FAM193A: variants seen among roughly 807,000 people sequenced by gnomAD.
FAM193A encodes family with sequence similarity 193 member A.
Under a neutral mutation model 126.5 loss-of-function variants are expected in FAM193A, and 22 were observed. The observed-to-expected ratio is 0.17, with a 90% CI of 0.12 to 0.25. The LOEUF is 0.25. Among genes scored for constraint, FAM193A ranks in the 10% least tolerant of loss-of-function variants. The probability of loss-of-function intolerance (pLI) is 1.00; values close to 1 mark genes in which losing one functional copy is unlikely to be tolerated. For synonymous variants in FAM193A, 761 were observed against 646.8 expected, an observed-to-expected ratio of 1.18 and a Z score of -2.68; for missense variants, 1,675 against 1,672.8, an observed-to-expected ratio of 1.00 and a Z score of -0.02.
intron 1 of FAM193A, among the ~76,000 whole-genome samples, chr4:2,593,082 C>T (rs991365971): frequency 9.9e-5 from 15 of 152,262 alleles, no homozygotes; most frequent in African/African-American, 3.4e-4. Flanking sequence ...CTCCTATGGC[C>T]CATGACGAAG....
At chr4:2,672,771 C>G (rs1260139242) in intron 13 of FAM193A, among the ~76,000 whole-genome samples, 1 of 152,172 alleles carries the variant, frequency 6.6e-6, no homozygotes. Flanking sequence ...TCCTCTAACA[C>G]TGGCTGGACT....
chr4:2,575,052 C>T (rs1056222222), intron 1 of FAM193A, among the ~76,000 whole-genome samples: 3 of 152,174 alleles, frequency 2.0e-5, no homozygotes, highest in African/African-American at 4.8e-5. Context: ...TGCTCCTCTG[C>T]CCAGGCCTTG....
chr4:2,656,223 T>C (rs896030009), intron 7 of FAM193A, among the ~76,000 whole-genome samples: 6 of 152,222 alleles, frequency 3.9e-5, no homozygotes, highest in African/African-American at 1.4e-4. Context: ...TCAGGAATAG[T>C]TTAAATTTTC....
chr4:2,537,802 C>T (rs1736980015), intron 1 of FAM193A, among the ~76,000 whole-genome samples: 1 of 152,228 alleles, frequency 6.6e-6, no homozygotes, highest in African/African-American at 2.4e-5. Flanking sequence ...CCCTCCTCCC[C>T]CGCTTTGTTA....
chr4:2,571,902 A>T (rs1577022969), intron 1 of FAM193A, among the ~76,000 whole-genome samples: 1 of 150,222 alleles, frequency 6.7e-6, no homozygotes, highest in Admixed American at 6.6e-5. Context: ...GCTGTGGCTC[A>T]CGCCTGTAAT....
At chr4:2,650,472 C>T (rs139284000) in intron 7 of FAM193A, among the ~76,000 whole-genome samples, 142 of 152,290 alleles carry the variant, frequency 9.3e-4, no homozygotes, top group African/African-American at 3.0e-3. Flanking sequence ...CTCAAGGGAA[C>T]GAAGCGCACC....
chr4:2,698,048 C>T (rs1717239214), intron 18 of FAM193A, among the ~76,000 whole-genome samples: 1 of 152,246 alleles, frequency 6.6e-6, no homozygotes. Context: ...CCCAGTCCCA[C>T]CTCGAGGGAC....
Position 2,537,129 on chromosome 4 carries a change from G to T in FAM193A, c.214G>T (p.Gly72Cys). The change falls in exon 1 of 21, where the codon GGC (glycine) becomes TGC (cysteine). Residue 72 changes from glycine to cysteine, a missense_variant. Physicochemically the swap from Gly to Cys is radical, Grantham distance 159. Around this residue, in one of 4 missense-constraint regions of FAM193A, gnomAD observed 1,186 missense variants for 1,109.2 expected, o/e 1.07. Coordinates refer to ENST00000637812, the MANE Select transcript of FAM193A (RefSeq NM_001366318.2). ...GGCGGCCAACGGGCCTCTCGGCGCGGGCGCGAGCGCGGGCGGCGCCGCCCC... is the reference window on the plus strand; with the variant it reads ...GGCGGCCAACGGGCCTCTCGGCGCGTGCGCGAGCGCGGGCGGCGCCGCCCC... ...AAAANGPLGA[G>C]ASAGGAAPGG... 5.4e-6 allele frequency: 1 copy of T among 186,786 alleles called. No individual in the cohort carries two copies. Among genetic ancestry groups the T allele is most frequent in the South Asian group, 1.7e-4 (1 of 5,796 alleles). The allele number at this position is 186,786 out of a possible 1,614,324, so 11.6% of individuals were successfully genotyped here.
intron 5 of FAM193A, among the ~76,000 whole-genome samples, chr4:2,638,297 C>T (rs970485948): frequency 6.6e-6 from 1 of 152,238 alleles, no homozygotes; most frequent in South Asian, 2.1e-4. Flanking sequence ...TCTTCGTGTC[C>T]TCGTACCTGG....
chr4:2,602,959 CTTTTTTTTTTTTT>C (rs71178487), intron 2 of FAM193A, among the ~76,000 whole-genome samples: 13 of 42,306 alleles, frequency 3.1e-4, no homozygotes, highest in Non-Finnish European at 1.9e-4. Flanking sequence ...TGCACCCGGC[CTTTTTTTTTTTTT>C]TTTTTTTTTT....
At chr4:2,539,146 C>T (rs757318954) in intron 1 of FAM193A, among the ~76,000 whole-genome samples, 1 of 152,128 alleles carries the variant, frequency 6.6e-6, no homozygotes, top group Non-Finnish European at 1.5e-5. Flanking sequence ...CCTGCTTTGG[C>T]CTCTCAAAGT....
chr4:2,657,184 A>G (rs1254281975), intron 7 of FAM193A, among the ~76,000 whole-genome samples: 1 of 151,810 alleles, frequency 6.6e-6, no homozygotes, highest in African/African-American at 2.4e-5. Context: ...AAAACAAAAC[A>G]ATCTTCATAT....
chr4:2,689,724 T>G lies in FAM193A; in HGVS notation c.2530+20T>G, dbSNP rs773429113. ...TTTCTGGTAAGGAATTTGTTAAAAC[T>G]TTCTTGAAGTTTTAAAATAACCTGA... On this transcript the variant is annotated intron_variant, in intron 14 of 20. Transcript: ENST00000637812. The G allele has an allele frequency of 1.0e-5, 16 of 1,539,896 alleles. No individual in the cohort carries two copies. In the South Asian group the frequency reaches 2.0e-4, roughly 19 times the overall value.
intron 2 of FAM193A, among the ~76,000 whole-genome samples, chr4:2,621,245 A>G (rs1184246169): frequency 1.3e-5 from 2 of 152,222 alleles, no homozygotes; most frequent in Non-Finnish European, 1.5e-5. Context: ...ACCTGCTGGC[A>G]GAGGAGAAAT....
chr4:2,540,091 C>T (rs1488306767), intron 1 of FAM193A, among the ~76,000 whole-genome samples: 1 of 149,974 alleles, frequency 6.7e-6, no homozygotes, highest in African/African-American at 2.5e-5. Flanking sequence ...GCACTACTGC[C>T]TGGGCAACAA....
rs369069300 is a variant in FAM193A, at chr4:2,646,845, C to T, written c.1311+13C>T. 403 of 1,606,600 alleles carry T rather than the reference C, an allele frequency of 2.5e-4. 1 individual carries two copies. Among genetic ancestry groups the T allele is most frequent in the Admixed American group, 3.9e-4 (23 of 59,244 alleles). ...TGTCGACGAGCAGGTGAGTGCCACC[C>T]GGGACCACCGCACCCCGCGCACATC... is the stretch of plus-strand genomic sequence containing the variant. On this transcript the variant is annotated intron_variant, in intron 7 of 20. Transcript: ENST00000637812.
intron 5 of FAM193A, among the ~76,000 whole-genome samples, chr4:2,637,515 G>T (rs1744204498): frequency 1.3e-5 from 2 of 152,194 alleles, no homozygotes; most frequent in Non-Finnish European, 2.9e-5. Flanking sequence ...TCTATTGTAG[G>T]AACTACATTC....
At chr4:2,608,680 T>G (rs1291932469) in intron 2 of FAM193A, among the ~76,000 whole-genome samples, 3 of 152,022 alleles carry the variant, frequency 2.0e-5, no homozygotes, top group Non-Finnish European at 4.4e-5. Context: ...ACATTCTATC[T>G]CGGGCCCAGA....
chr4:2,659,803 C>T lies in FAM193A; in HGVS notation c.1503-9C>T. On this transcript the variant is annotated splice_polypyrimidine_tract_variant and intron_variant, in intron 9 of 20. Transcript: ENST00000637812. Reference sequence around the variant, plus strand: ...GTTGGCTTGGTAACTGTCCTTAATTCCTGATCAGATGTGCTTGCGATGACT... The same window carrying T: ...GTTGGCTTGGTAACTGTCCTTAATTTCTGATCAGATGTGCTTGCGATGACT... 6.2e-7 allele frequency: 1 copy of T among 1,614,134 alleles called. No homozygotes were observed. The highest frequency in any genetic ancestry group is 8.5e-7 in the Non-Finnish European group (1 of 1,180,040).
Sources: gnomAD v4.1 joint callset for allele counts (sites outside exome capture counted in the v4.1 genomes callset) on GRCh38, gnomAD v4.1.1 for gene constraint, gnomAD v4.1.1 regional missense constraint, MANE v1.5 for transcripts, NCBI Gene and HGNC (gene_info 2026-07-23, HGNC 2026-07-21) for gene names.